RBM20: variants seen among roughly 807,000 people sequenced by gnomAD.
RBM20 encodes RNA-binding protein 20.
In RBM20, 51 loss-of-function variants were observed where a neutral mutation model predicts 110.1. The observed-to-expected ratio is 0.46, with a 90% confidence interval of 0.37 to 0.59. RBM20 has a LOEUF of 0.59. Ranked by LOEUF, RBM20 falls within the 20% of genes least tolerant of loss-of-function variation. The pLI, the probability that RBM20 is intolerant of heterozygous loss-of-function variation, is 0.00. For missense variants in RBM20, 1,512 were observed against 1,574.9 expected, an observed-to-expected ratio of 0.96 and a Z score of 0.68; for synonymous variants, 589 against 618.2, an observed-to-expected ratio of 0.95 and a Z score of 0.70.
chr10:110,784,561 C>T, intron 4 of RBM20, 129 bp downstream of exon 4: 2 of 770,002 alleles, frequency 2.6e-6, no homozygotes, highest in South Asian at 3.1e-5. Flanking sequence ...GCAAACAGAT[C>T]CCAAGACACT....
At chr10:110,773,098 C>T (rs1174921733) in intron 1 of RBM20, among the ~76,000 whole-genome samples, 1 of 152,120 alleles carries the variant, frequency 6.6e-6, no homozygotes. Context: ...ATTTTGCACT[C>T]CATTGCGCTA....
chr10:110,762,254 G>A (rs553058224), intron 1 of RBM20, among the ~76,000 whole-genome samples: 5 of 152,358 alleles, frequency 3.3e-5, no homozygotes, highest in African/African-American at 9.6e-5. Flanking sequence ...AATGTGTGAA[G>A]CAGGTAGCAT....
At chr10:110,674,214 G>A (rs962836115) in intron 1 of RBM20, among the ~76,000 whole-genome samples, 37 of 152,290 alleles carry the variant, frequency 2.4e-4, no homozygotes, top group African/African-American at 8.9e-4. Context: ...TAATATCTGT[G>A]TAGGATGGAA....
At chr10:110,667,619 C>T (rs2134834405) in intron 1 of RBM20, among the ~76,000 whole-genome samples, 1 of 152,322 alleles carries the variant, frequency 6.6e-6, no homozygotes, top group Non-Finnish European at 1.5e-5. Flanking sequence ...CCTTGTTTGC[C>T]TCTTACAGCC....
At chr10:110,728,706 T>C (rs1843589707) in intron 1 of RBM20, among the ~76,000 whole-genome samples, 1 of 152,210 alleles carries the variant, frequency 6.6e-6, no homozygotes, top group Non-Finnish European at 1.5e-5. Flanking sequence ...GTGCTTGTAT[T>C]AAGCCTCACA....
chr10:110,767,934 G>C (rs1844129193), intron 1 of RBM20, among the ~76,000 whole-genome samples: 1 of 152,246 alleles, frequency 6.6e-6, no homozygotes, highest in Non-Finnish European at 1.5e-5. Context: ...CTCCAGCCTG[G>C]GCACCATTGA....
chr10:110,758,716 C>T (rs915515872), intron 1 of RBM20, among the ~76,000 whole-genome samples: 6 of 152,054 alleles, frequency 3.9e-5, no homozygotes, highest in Non-Finnish European at 5.9e-5. Context: ...ATGTGGCTAA[C>T]GCAACTGAGG....
At chr10:110,674,561 G>C (rs886784863) in intron 1 of RBM20, among the ~76,000 whole-genome samples, 3 of 152,144 alleles carry the variant, frequency 2.0e-5, no homozygotes, top group African/African-American at 7.2e-5. Flanking sequence ...CCCAAGTCTT[G>C]TAGATCACTT....
intron 1 of RBM20, among the ~76,000 whole-genome samples, chr10:110,657,084 T>C (rs1862036690): frequency 6.6e-6 from 1 of 151,914 alleles, no homozygotes; most frequent in South Asian, 2.1e-4. Flanking sequence ...TGGCGTGATC[T>C]CGATTCACTG....
chr10:110,671,980 A>G (rs1862266246), intron 1 of RBM20, among the ~76,000 whole-genome samples: 1 of 152,172 alleles, frequency 6.6e-6, no homozygotes, highest in African/African-American at 2.4e-5. Flanking sequence ...GAGGCTCATA[A>G]TCAGCCACTT....
At chr10:110,653,303 T>A (rs188909370) in intron 1 of RBM20, among the ~76,000 whole-genome samples, 58 of 152,356 alleles carry the variant, frequency 3.8e-4, no homozygotes, top group African/African-American at 1.3e-3. Flanking sequence ...GGATATAATT[T>A]GGACTGTATT....
intron 1 of RBM20, among the ~76,000 whole-genome samples, chr10:110,669,337 A>G (rs1000036078): frequency 2.0e-5 from 3 of 151,990 alleles, no homozygotes; most frequent in Admixed American, 2.0e-4. Flanking sequence ...GGGAATAGGA[A>G]TGATATTTAA....
chr10:110,658,464 C>T (rs924369535), intron 1 of RBM20, among the ~76,000 whole-genome samples: 6 of 152,174 alleles, frequency 3.9e-5, no homozygotes, highest in Admixed American at 2.6e-4. Context: ...TCAGGGTCAC[C>T]TAGCCAATGA....
rs536282448 is a variant in RBM20 at position 110,792,994 on chromosome 10, T to G, written c.1528-4514T>G. Among the ~76,000 whole-genome samples the G allele has an allele frequency of 2.6e-5, 4 of 152,320 alleles. No individual in the cohort carries two copies. The South Asian group carries it at 8.3e-4, about 32-fold the overall frequency. On this transcript the variant is annotated intron_variant, in intron 5 of 13. Transcript: ENST00000369519. ...GCACAGTTGGAGAAAGCTATCATTA[T>G]CCTGGTTCTTGGGGTTTAGCTTGTC...
chr10:110,737,185 A>AAAAAAAAAAAAAAAAAAAAAC (rs1554894290), intron 1 of RBM20, among the ~76,000 whole-genome samples: 1 of 139,464 alleles, frequency 7.2e-6, no homozygotes, highest in Non-Finnish European at 1.6e-5. Flanking sequence ...CTCAAAAAAA[A>AAAAAAAAAAAAAAAAAAAAAC]AAAAAAAAAA....
At chr10:110,723,098 C>T (rs1485080099) in intron 1 of RBM20, among the ~76,000 whole-genome samples, 6 of 141,920 alleles carry the variant, frequency 4.2e-5, no homozygotes, top group East Asian at 4.0e-4. Context: ...GGCGCCAGAG[C>T]GAGACTCCAT....
chr10:110,721,010 T>C (rs1843498683), intron 1 of RBM20, among the ~76,000 whole-genome samples: 1 of 152,236 alleles, frequency 6.6e-6, no homozygotes, highest in Non-Finnish European at 1.5e-5. Context: ...CCCTGCTGCC[T>C]GGAACCCTCT....
At chr10:110,746,571 G>A (rs1011335753) in intron 1 of RBM20, among the ~76,000 whole-genome samples, 1 of 152,168 alleles carries the variant, frequency 6.6e-6, no homozygotes, top group Non-Finnish European at 1.5e-5. Flanking sequence ...AGTCGACCCC[G>A]AGTATTTCAA....
intron 12 of RBM20, among the ~76,000 whole-genome samples, chr10:110,824,586 G>A (rs1564665764): frequency 6.6e-6 from 1 of 152,148 alleles, no homozygotes; most frequent in Non-Finnish European, 1.5e-5. Flanking sequence ...GGAATGAAGT[G>A]GGGAGGGAGT....
Sources: allele counts gnomAD v4.1 joint callset (sites outside exome capture counted in the v4.1 genomes callset), GRCh38; gene constraint gnomAD v4.1.1; transcripts MANE v1.5; gene names NCBI Gene and HGNC (gene_info 2026-07-23, HGNC 2026-07-21).